The following ELMO1 variants were observed in gnomAD, a reference collection of about 807,000 sequenced individuals.
ELMO1 encodes engulfment and cell motility 1.
A neutral mutation model predicts 98.9 loss-of-function variants in ELMO1; 26 were observed. The ratio of observed to expected loss-of-function variants is 0.26; its 90% CI spans 0.19 to 0.36. The LOEUF is 0.36. Among genes scored for constraint, ELMO1 ranks in the 10% least tolerant of loss-of-function variants. The probability of loss-of-function intolerance (pLI) is 1.00; values close to 1 mark genes in which losing one functional copy is unlikely to be tolerated. For missense variants in ELMO1, 627 were observed against 935.2 expected (o/e 0.67, Z 4.30); for synonymous variants, 346 against 346.0 (o/e 1.00, Z 0.00).
intron 1 of ELMO1, among the ~76,000 whole-genome samples, chr7:37,378,351 C>A (rs1437565635): frequency 2.6e-5 from 4 of 152,174 alleles, no homozygotes; most frequent in Non-Finnish European, 5.9e-5. Context: ...TGAAGCAGAT[C>A]TGAAACCTGC....
rs138318396 is a variant in ELMO1 at position 37,257,238 on chromosome 7, T to C, written c.413+1943A>G. Reference sequence around the variant, plus strand: ...AGGGACATTCCTTCCTCCCTCATGATGGAACTCCAACTCCCTCAAGGACAG... The same window carrying C: ...AGGGACATTCCTTCCTCCCTCATGACGGAACTCCAACTCCCTCAAGGACAG... On this transcript the variant is annotated intron_variant, in intron 6 of 21. Transcript: ENST00000310758. 2.4e-3 allele frequency among the ~76,000 whole-genome samples: 373 copies of C among 152,310 alleles called. 3 individuals are homozygous for C. Among genetic ancestry groups the C allele is most frequent in the African/African-American group, 8.6e-3 (357 of 41,570 alleles).
chr7:37,063,273 G>T (rs112462657), intron 15 of ELMO1, among the ~76,000 whole-genome samples: 2 of 152,218 alleles, frequency 1.3e-5, no homozygotes, highest in African/African-American at 4.8e-5. Flanking sequence ...ACCTGAGGAG[G>T]GCTGTAGGTT....
At chr7:36,942,720 A>C (rs1461957932) in intron 16 of ELMO1, among the ~76,000 whole-genome samples, 9 of 152,214 alleles carry the variant, frequency 5.9e-5, no homozygotes, top group Admixed American at 5.9e-4. Flanking sequence ...AGGAATGATA[A>C]CATGAGATCA....
At chr7:37,229,666 A>G (rs1563090690) in intron 8 of ELMO1, among the ~76,000 whole-genome samples, 1 of 152,212 alleles carries the variant, frequency 6.6e-6, no homozygotes, top group East Asian at 1.9e-4. Flanking sequence ...CTGGGTTGTC[A>G]AAGTGCTGAA....
chr7:37,252,563 C>G (rs779508462), intron 6 of ELMO1, among the ~76,000 whole-genome samples: 3 of 152,166 alleles, frequency 2.0e-5, no homozygotes, highest in Non-Finnish European at 4.4e-5. Context: ...TTCCTTACAC[C>G]TTATACACAA....
intron 16 of ELMO1, among the ~76,000 whole-genome samples, chr7:36,945,674 T>C (rs984665081): frequency 1.3e-5 from 2 of 152,198 alleles, no homozygotes; most frequent in East Asian, 3.9e-4. Flanking sequence ...TGACTTGCTG[T>C]GGCTCCATAC....
At chr7:37,348,940 T>C (rs16879644) in intron 1 of ELMO1, among the ~76,000 whole-genome samples, 13,468 of 152,268 alleles carry the variant, frequency 0.088, 1,131 homozygotes, top group East Asian at 0.42. Context: ...TTTAATGCTC[T>C]TTGTAGTCTT....
At chr7:37,222,889 T>C (rs1410855111) in intron 9 of ELMO1, among the ~76,000 whole-genome samples, 196 bp from the exon 10 acceptor site, 1 of 152,224 alleles carries the variant, frequency 6.6e-6, no homozygotes, top group Non-Finnish European at 1.5e-5. Context: ...ACAACTACTA[T>C]TACTAGCTGA....
At chr7:37,175,845 T>C (rs1397542864) in intron 13 of ELMO1, among the ~76,000 whole-genome samples, 1 of 151,304 alleles carries the variant, frequency 6.6e-6, no homozygotes, top group East Asian at 2.0e-4. Context: ...AGATTCTGTC[T>C]CAAAGAAAAA....
intron 7 of ELMO1, among the ~76,000 whole-genome samples, chr7:37,235,377 C>G (rs1232243655): frequency 1.3e-5 from 2 of 152,154 alleles, no homozygotes; most frequent in Non-Finnish European, 2.9e-5. Context: ...TAATAACATA[C>G]AGCATGAGCA....
intron 2 of ELMO1, among the ~76,000 whole-genome samples, chr7:37,316,768 G>A (rs756575108): frequency 1.3e-5 from 2 of 152,140 alleles, no homozygotes; most frequent in Non-Finnish European, 2.9e-5. Flanking sequence ...AATGAATGAG[G>A]AAGAGAAGAT....
chr7:37,306,364 C>T (rs919623026), intron 4 of ELMO1, among the ~76,000 whole-genome samples: 8 of 152,174 alleles, frequency 5.3e-5, no homozygotes, highest in Non-Finnish European at 1.2e-4. Context: ...AAAATGTTGA[C>T]TTGTGATGCA....
chr7:37,034,968 T>A (rs990943570), intron 15 of ELMO1, among the ~76,000 whole-genome samples: 1 of 152,216 alleles, frequency 6.6e-6, no homozygotes, highest in African/African-American at 2.4e-5. Context: ...GCTTTATAGA[T>A]AAAGGCAGCC....
intron 2 of ELMO1, among the ~76,000 whole-genome samples, chr7:37,322,435 G>C (rs1163449240): frequency 1.3e-5 from 2 of 152,078 alleles, no homozygotes; most frequent in Non-Finnish European, 2.9e-5. Flanking sequence ...GGCCAACATG[G>C]TGAAACCCCA....
intron 4 of ELMO1, among the ~76,000 whole-genome samples, chr7:37,274,389 C>A (rs1796719533): frequency 6.6e-6 from 1 of 152,134 alleles, no homozygotes; most frequent in African/African-American, 2.4e-5. Flanking sequence ...TCAGAGTGAG[C>A]CAGCAGACGT....
chr7:37,418,267 T>C (rs974748048), intron 1 of ELMO1, among the ~76,000 whole-genome samples: 4 of 152,206 alleles, frequency 2.6e-5, no homozygotes, highest in Non-Finnish European at 4.4e-5. Flanking sequence ...GCAGCACATT[T>C]TGAACTGTCT....
chr7:36,940,174 C>G (rs1048007265), intron 16 of ELMO1, among the ~76,000 whole-genome samples: 1 of 152,194 alleles, frequency 6.6e-6, no homozygotes, highest in Non-Finnish European at 1.5e-5. Flanking sequence ...CCTGAAGGGA[C>G]TTTCTAAATG....
chr7:36,900,608 T>C (rs1040644306), intron 16 of ELMO1, among the ~76,000 whole-genome samples: 1 of 152,132 alleles, frequency 6.6e-6, no homozygotes, highest in Non-Finnish European at 1.5e-5. Context: ...TGGAAGGGGA[T>C]AGATCTACAG....
chr7:37,220,925 C>G (rs928494784), intron 10 of ELMO1, among the ~76,000 whole-genome samples: 1 of 149,050 alleles, frequency 6.7e-6, no homozygotes, highest in African/African-American at 2.4e-5. Flanking sequence ...GTCTGGCCAG[C>G]AGAAGGACCC....
Sources: allele counts gnomAD v4.1 joint callset (sites outside exome capture counted in the v4.1 genomes callset), GRCh38; gene constraint gnomAD v4.1.1; transcripts MANE v1.5; gene names NCBI Gene and HGNC (gene_info 2026-07-23, HGNC 2026-07-21).